Variants in MRAS observed in about 807,000 individuals in gnomAD.
MRAS encodes ras-related protein M-Ras.
A neutral mutation model predicts 20.9 loss-of-function variants in MRAS; 4 were observed. That is an observed-to-expected ratio of 0.19 (90% CI 0.09 to 0.44). MRAS has a LOEUF of 0.44. MRAS is among the 20% of genes least tolerant of loss of function. The probability of loss-of-function intolerance (pLI) is 0.99; values close to 1 mark genes in which losing one functional copy is unlikely to be tolerated. For missense variants in MRAS, 154 were observed against 277.5 expected (o/e 0.56, Z 3.16); for synonymous variants, 98 against 102.9 (o/e 0.95, Z 0.29).
In MRAS at chr3:138,397,276, C is replaced by T. The variant is rs1330339326; in HGVS notation, c.194-48C>T. On this transcript the variant is annotated intron_variant, in intron 2 of 5. Coordinates refer to ENST00000423968, the MANE Select transcript of MRAS (RefSeq NM_001085049.3). ...GTTGGAGTCTTGCAGGCTGTGGGGG[C>T]TACAGGGTAGGTGAGGACAGCCCCT... 1.9e-6 allele frequency: 3 copies of T among 1,599,556 alleles called. No individual in the cohort carries two copies. The Admixed American group carries it at 5.1e-5, about 27-fold the overall frequency.
chr3:138,378,767 A>G (rs987941408), intron 2 of MRAS, among the ~76,000 whole-genome samples: 2 of 152,114 alleles, frequency 1.3e-5, no homozygotes, highest in African/African-American at 4.8e-5. Flanking sequence ...AACCATCTCT[A>G]AGTGCATAGT....
intron 2 of MRAS, among the ~76,000 whole-genome samples, chr3:138,394,673 C>G (rs902231587): frequency 2.0e-5 from 3 of 152,214 alleles, no homozygotes; most frequent in Admixed American, 2.0e-4. Context: ...GTGTCAAAAA[C>G]TGAGTCCCCC....
At chr3:138,357,555 C>T (rs897145705) in intron 1 of MRAS, among the ~76,000 whole-genome samples, 9 of 152,242 alleles carry the variant, frequency 5.9e-5, no homozygotes, top group Admixed American at 2.6e-4. Flanking sequence ...AAAGGATTTT[C>T]TCCTTGTAGA....
At chr3:138,393,090 C>A (rs1437599176) in intron 2 of MRAS, among the ~76,000 whole-genome samples, 1 of 152,168 alleles carries the variant, frequency 6.6e-6, no homozygotes, top group Non-Finnish European at 1.5e-5. Flanking sequence ...GATCATTAGC[C>A]TCTTGACAAA....
At chr3:138,364,849 A>C (rs1035118658) in intron 1 of MRAS, among the ~76,000 whole-genome samples, 3 of 152,220 alleles carry the variant, frequency 2.0e-5, no homozygotes, top group African/African-American at 7.2e-5. Flanking sequence ...TGACCTGCCC[A>C]GCTGTTTCAC....
intron 1 of MRAS, among the ~76,000 whole-genome samples, chr3:138,362,045 C>T (rs926826705): frequency 6.6e-6 from 1 of 152,190 alleles, no homozygotes; most frequent in African/African-American, 2.4e-5. Context: ...CCCACCCTCC[C>T]GGTTGTTGGT....
intron 2 of MRAS, among the ~76,000 whole-genome samples, chr3:138,377,392 G>A (rs982536140): frequency 6.6e-6 from 1 of 152,200 alleles, no homozygotes; most frequent in African/African-American, 2.4e-5. Context: ...GGATCACGAG[G>A]TCAGGAGTTT....
intron 1 of MRAS, among the ~76,000 whole-genome samples, chr3:138,350,963 AAG>A (rs1439298062): frequency 6.6e-6 from 1 of 151,530 alleles, no homozygotes; most frequent in Non-Finnish European, 1.5e-5. Flanking sequence ...AAAAAAAAAA[AAG>A]TGACAAGTCA....
intron 2 of MRAS, among the ~76,000 whole-genome samples, chr3:138,376,970 C>T (rs997117502): frequency 6.6e-6 from 1 of 152,232 alleles, no homozygotes; most frequent in Non-Finnish European, 1.5e-5. Flanking sequence ...GCCATATAAA[C>T]TTCTCTGACT....
chr3:138,351,702 CTG>C (rs2054230548), intron 1 of MRAS, among the ~76,000 whole-genome samples: 2 of 152,314 alleles, frequency 1.3e-5, no homozygotes, highest in Non-Finnish European at 1.5e-5. Flanking sequence ...TGGAAGGTCT[CTG>C]TACACAGGAA....
At chr3:138,374,565 T>G (rs948851938) in intron 2 of MRAS, among the ~76,000 whole-genome samples, 1 of 152,212 alleles carries the variant, frequency 6.6e-6, no homozygotes, top group Non-Finnish European at 1.5e-5. Context: ...TGGATGGCTC[T>G]TATTTCTTTT....
In MRAS at chr3:138,372,870, G is replaced by A. The variant is rs377433232; in HGVS notation, c.-14G>A. 2.6e-6 allele frequency: 4 copies of A among 1,523,594 alleles called. No homozygotes were observed. Among genetic ancestry groups the A allele is most frequent in the Middle Eastern group, 2.3e-4 (1 of 4,354 alleles). 94.4% of individuals were successfully genotyped at this position (1,523,594 alleles called of 1,614,324 possible). On this transcript the variant is annotated 5_prime_UTR_variant, in exon 2 of 6. Coordinates refer to ENST00000423968, the MANE Select transcript of MRAS (RefSeq NM_001085049.3). ...CCACATGTCTTGCTGCCGCAGGTCT[G>A]ACCTACGAGAAACATGGCAACCAGC...
intron 1 of MRAS, among the ~76,000 whole-genome samples, chr3:138,359,259 C>A (rs946894184): frequency 6.6e-6 from 1 of 152,132 alleles, no homozygotes; most frequent in South Asian, 2.1e-4. Flanking sequence ...CCTGAGAAGC[C>A]GTCACACCCA....
chr3:138,378,920 C>T (rs253661), intron 2 of MRAS, among the ~76,000 whole-genome samples: 4,983 of 151,996 alleles, frequency 0.033, 250 homozygotes, highest in East Asian at 0.22. Flanking sequence ...TCTGCTTGCT[C>T]CCTTTTCTTT....
intron 2 of MRAS, among the ~76,000 whole-genome samples, chr3:138,377,786 G>T (rs1171145735): frequency 3.3e-5 from 5 of 152,236 alleles, no homozygotes; most frequent in Non-Finnish European, 2.9e-5. Context: ...AAACGTGGCA[G>T]CACGATGATG....
intron 3 of MRAS, 23 bp downstream of exon 3, chr3:138,397,500 A>G (rs369664393): frequency 9.3e-6 from 15 of 1,612,976 alleles, no homozygotes; most frequent in Non-Finnish European, 1.3e-5. Context: ...GACAGGTGAG[A>G]GTACCGGGAA....
intron 2 of MRAS, among the ~76,000 whole-genome samples, chr3:138,389,789 T>G (rs1202427802): frequency 6.6e-6 from 1 of 151,660 alleles, no homozygotes; most frequent in Non-Finnish European, 1.5e-5. Context: ...AGAGAGTGGG[T>G]GTGTATAAAG....
chr3:138,402,095 G>A lies in MRAS; in HGVS notation c.528-75G>A, dbSNP rs974618386. ...AGGCCTCCTCTGACTCAGATCTGGG[G>A]CTAGGGAGGAGAGGGGCAGAGGAGA... On this transcript the variant is annotated intron_variant, in intron 5 of 5. Transcript: ENST00000423968. 11 of 1,409,382 alleles carry A rather than the reference G, an allele frequency of 7.8e-6. No individual in the cohort carries two copies. In the African/African-American group the frequency reaches 9.9e-5, roughly 13 times the overall value. 87.3% of individuals were successfully genotyped at this position (1,409,382 alleles called of 1,614,324 possible). A position where few individuals can be genotyped will look rare whatever the true frequency, so the allele number is the denominator to read the frequency against.
intron 2 of MRAS, among the ~76,000 whole-genome samples, chr3:138,388,536 T>A (rs1259618891): frequency 1.3e-5 from 2 of 152,070 alleles, no homozygotes; most frequent in South Asian, 2.1e-4. Context: ...CCATCTTTAC[T>A]AAAAATACAA....
Sources: allele counts gnomAD v4.1 joint callset (sites outside exome capture counted in the v4.1 genomes callset), GRCh38; gene constraint gnomAD v4.1.1; transcripts MANE v1.5; gene names NCBI Gene and HGNC (gene_info 2026-07-23, HGNC 2026-07-21).